Variants in XIRP2 observed in about 807,000 individuals in gnomAD.
XIRP2 encodes the protein xin actin binding repeat containing 2.
XIRP2 carries 236 observed loss-of-function variants against 277.0 expected under a neutral mutation model. The observed-to-expected ratio is 0.85, with a 90% CI of 0.77 to 0.95. XIRP2 has a LOEUF of 0.95. Among genes scored for constraint, XIRP2 ranks in the 40% least tolerant of loss-of-function variants. The probability of loss-of-function intolerance (pLI) is 0.00; values close to 1 mark genes in which losing one functional copy is unlikely to be tolerated. For synonymous variants in XIRP2, 1,490 were observed against 1,416.5 expected, an observed-to-expected ratio of 1.05 and a Z score of -1.17; for missense variants, 4,640 against 4,157.5, an observed-to-expected ratio of 1.12 and a Z score of -3.19.
Position 167,249,389 on chromosome 2 carries a change from T to C in XIRP2, c.7997T>C (p.Ile2666Thr). Residue 2666 changes from isoleucine (I) to threonine (T), a missense_variant, in exon 9 of 11, where the codon ATT becomes ACT. Ile to Thr is a moderately conservative substitution (Grantham distance 89). Coordinates refer to ENST00000409195, the MANE Select transcript of XIRP2 (RefSeq NM_152381.6). ...GAAGTTTTACAAAGCTCAAGGGACA[T>C]TATGCAATCCAAATCAGCTTGCGAA... Reference protein sequence around the residue: ...KKEVLQSSRDIMQSKSACEIK... With the variant: ...KKEVLQSSRDTMQSKSACEIK... The C allele has an allele frequency of 5.6e-6, 9 of 1,613,756 alleles. No individual in the cohort carries two copies. Among genetic ancestry groups the C allele is most frequent in the Non-Finnish European group, 5.1e-6 (6 of 1,179,828 alleles).
intron 3 of XIRP2, among the ~76,000 whole-genome samples, chr2:167,209,409 CAG>C (rs1693956355): frequency 6.6e-6 from 1 of 152,004 alleles, no homozygotes; most frequent in South Asian, 2.1e-4. Context: ...CATGGGGACT[CAG>C]AGTTGAGGGA....
chr2:167,048,426 A>C (rs1688841172), intron 2 of XIRP2, among the ~76,000 whole-genome samples: 1 of 151,952 alleles, frequency 6.6e-6, no homozygotes, highest in Admixed American at 6.6e-5. Context: ...TTTAAATTTC[A>C]ATCTGATGAT....
At chr2:167,003,185 A>G (rs1313954612) in intron 2 of XIRP2, among the ~76,000 whole-genome samples, 2 of 151,738 alleles carry the variant, frequency 1.3e-5, no homozygotes, top group Non-Finnish European at 2.9e-5. Flanking sequence ...AAAAATCCCT[A>G]TTTATTTGGC....
At position 166,941,030 on chromosome 2, in the gene XIRP2, C is replaced by T. The variant is rs574687872; in HGVS notation, c.408+37140C>T. On this transcript the variant is annotated intron_variant, in intron 2 of 10. Transcript: ENST00000409195. ...TTCGCTGCCTTTTGCTTGGCTCTGC[C>T]TTGCCCCGAGAGGTGGAGTCTACAG... Among the ~76,000 whole-genome samples, 376 of 152,328 alleles carry T rather than the reference C, an allele frequency of 2.5e-3. 1 individual carries two copies. Among genetic ancestry groups the T allele is most frequent in the Admixed American group, 5.8e-3 (88 of 15,298 alleles).
intron 2 of XIRP2, among the ~76,000 whole-genome samples, chr2:166,963,747 A>G (rs1686357963): frequency 6.6e-6 from 1 of 151,836 alleles, no homozygotes; most frequent in African/African-American, 2.4e-5. Flanking sequence ...TAGCATGGGA[A>G]TGAAGTCAGA....
chr2:167,207,888 T>C (rs1271637327), intron 3 of XIRP2, among the ~76,000 whole-genome samples: 2 of 152,208 alleles, frequency 1.3e-5, no homozygotes, highest in Non-Finnish European at 2.9e-5. Context: ...TTTTAGTGTT[T>C]TATTTTCTTT....
chr2:167,010,168 G>A (rs574064122), intron 2 of XIRP2, among the ~76,000 whole-genome samples: 3 of 152,116 alleles, frequency 2.0e-5, no homozygotes, highest in East Asian at 3.9e-4. Context: ...GGTAATATTA[G>A]CCTAGGTTTT....
At chr2:167,099,691 A>C (rs1690435938) in intron 2 of XIRP2, among the ~76,000 whole-genome samples, 1 of 152,116 alleles carries the variant, frequency 6.6e-6, no homozygotes, top group Non-Finnish European at 1.5e-5. Flanking sequence ...TGGGAAAAGC[A>C]TAGTATCTGG....
intron 3 of XIRP2, among the ~76,000 whole-genome samples, chr2:167,176,807 G>A (rs1392374510): frequency 1.3e-5 from 2 of 152,182 alleles, no homozygotes; most frequent in Non-Finnish European, 2.9e-5. Context: ...TCATTGTTTA[G>A]CAAGTCCTGG....
At chr2:167,037,761 A>T (rs887763711) in intron 2 of XIRP2, among the ~76,000 whole-genome samples, 4 of 152,064 alleles carry the variant, frequency 2.6e-5, no homozygotes, top group Non-Finnish European at 5.9e-5. Flanking sequence ...ATAAATAATC[A>T]GAATACAAGA....
Position 167,245,863 on chromosome 2 carries a change from G to T in XIRP2, c.4471G>T (p.Val1491Leu). The change falls in exon 9 of 11, where the codon GTG becomes TTG. Residue 1491 changes from valine to leucine, a missense_variant. By Grantham distance (32) the Val-to-Leu change is conservative. Coordinates refer to ENST00000409195, the MANE Select transcript of XIRP2 (RefSeq NM_152381.6). ...GCAGAAAGGTGATGTTAAGCAGGCT[G>T]TGTGGCTTTTTGAAAATCGAACTTT... ...DVQKGDVKQA[V>L]WLFENRTFDS... The T allele has an allele frequency of 6.2e-7, 1 of 1,613,726 alleles. No homozygotes were observed. Among genetic ancestry groups the T allele is most frequent in the Non-Finnish European group, 8.5e-7 (1 of 1,179,760 alleles).
At chr2:166,929,513 G>A (rs996883288) in intron 2 of XIRP2, among the ~76,000 whole-genome samples, 4 of 152,114 alleles carry the variant, frequency 2.6e-5, no homozygotes, top group Non-Finnish European at 5.9e-5. Flanking sequence ...ACCAAAAGTT[G>A]TAGTATTGTG....
At chr2:166,961,827 A>G (rs1200641554) in intron 2 of XIRP2, among the ~76,000 whole-genome samples, 1 of 151,244 alleles carries the variant, frequency 6.6e-6, no homozygotes, top group Admixed American at 6.6e-5. Context: ...TTTTTTTTGG[A>G]TTTGTTAACA....
intron 2 of XIRP2, among the ~76,000 whole-genome samples, chr2:167,037,203 G>A (rs148412602): frequency 3.5e-4 from 54 of 152,192 alleles, no homozygotes; most frequent in Non-Finnish European, 6.8e-4. Context: ...TAGACCAAAC[G>A]CAGCTTATAG....
chr2:167,178,382 A>G (rs1299280141), intron 3 of XIRP2, among the ~76,000 whole-genome samples: 1 of 152,150 alleles, frequency 6.6e-6, no homozygotes, highest in African/African-American at 2.4e-5. Context: ...ATTAGCTTGG[A>G]ATATATTTTG....
At chr2:167,029,979 G>T (rs1688293182) in intron 2 of XIRP2, among the ~76,000 whole-genome samples, 1 of 151,970 alleles carries the variant, frequency 6.6e-6, no homozygotes, top group Non-Finnish European at 1.5e-5. Context: ...TTTTCTTATA[G>T]ATTTTTCTAG....
chr2:167,253,681 A>T (rs1281332584), intron 9 of XIRP2, among the ~76,000 whole-genome samples: 1 of 151,866 alleles, frequency 6.6e-6, no homozygotes, highest in East Asian at 2.0e-4. Context: ...TGAGTATTTT[A>T]TATGTATATA....
rs373936387 is a variant in XIRP2, at chr2:166,903,503, C to T, written c.21C>T (p.Gly7=). Residue 7 remains glycine (G), a synonymous_variant, in exon 2 of 11, where the codon GGC becomes GGT. Coordinates refer to ENST00000409195, the MANE Select transcript of XIRP2 (RefSeq NM_152381.6). MFPMQK[G]SLNLLRQKWE... Reference sequence around the variant, plus strand: ...CATCCATGTTCCCAATGCAGAAGGGCTCCCTCAACCTCCTGAGGCAGAAAT... The same window carrying T: ...CATCCATGTTCCCAATGCAGAAGGGTTCCCTCAACCTCCTGAGGCAGAAAT... 868 of 1,612,834 alleles carry T rather than the reference C, an allele frequency of 5.4e-4. 1 individual carries two copies. The highest frequency in any genetic ancestry group is 6.9e-4 in the Non-Finnish European group (810 of 1,179,320).
At chr2:166,971,573 G>T (rs1249577357) in intron 2 of XIRP2, among the ~76,000 whole-genome samples, 1 of 152,026 alleles carries the variant, frequency 6.6e-6, no homozygotes, top group East Asian at 1.9e-4. Context: ...AAAATTATTT[G>T]CTAGGTATAA....
Sources: allele counts gnomAD v4.1 joint callset (sites outside exome capture counted in the v4.1 genomes callset), GRCh38; gene constraint gnomAD v4.1.1; transcripts MANE v1.5; gene names NCBI Gene and HGNC (gene_info 2026-07-23, HGNC 2026-07-21).